CEP112: variants seen among roughly 807,000 people sequenced by gnomAD.
CEP112 encodes centrosomal protein of 112 kDa.
CEP112 carries 127 observed loss-of-function variants against 153.0 expected under a neutral mutation model. The ratio of observed to expected loss-of-function variants is 0.83; its 90% confidence interval spans 0.72 to 0.96. The LOEUF (loss-of-function observed/expected upper bound fraction) is 0.96. Ranked by LOEUF, CEP112 falls within the 40% of genes least tolerant of loss-of-function variation. The pLI is 0.00. For missense variants in CEP112, 1,089 were observed against 1,101.2 expected, an observed-to-expected ratio of 0.99 and a Z score of 0.16; for synonymous variants, 358 against 374.4, an observed-to-expected ratio of 0.96 and a Z score of 0.51.
intron 4 of CEP112, among the ~76,000 whole-genome samples, chr17:66,170,890 C>T (rs2072216097): frequency 1.3e-5 from 2 of 152,040 alleles, no homozygotes; most frequent in African/African-American, 4.8e-5. Context: ...ATAAGATTAT[C>T]TTAAACCAAG....
chr17:66,085,958 C>T (rs550997467), intron 8 of CEP112, among the ~76,000 whole-genome samples: 37 of 122,464 alleles, frequency 3.0e-4, no homozygotes, highest in East Asian at 4.8e-4. Context: ...GCCTGGGTGA[C>T]GACAGAGCGA....
chr17:66,103,523 A>G (rs1008458219), intron 6 of CEP112, among the ~76,000 whole-genome samples: 1 of 152,262 alleles, frequency 6.6e-6, no homozygotes, highest in Non-Finnish European at 1.5e-5. Flanking sequence ...CAAAGTTGCC[A>G]GATGCCAAAC....
intron 21 of CEP112, among the ~76,000 whole-genome samples, chr17:65,752,147 C>T (rs1277757303): frequency 6.6e-6 from 1 of 151,924 alleles, no homozygotes; most frequent in East Asian, 1.9e-4. Context: ...GTGTGTGTTT[C>T]TGAGTTCCCT....
intron 24 of CEP112, among the ~76,000 whole-genome samples, chr17:65,652,517 T>TTA (rs1435492177): frequency 2.6e-5 from 4 of 151,938 alleles, no homozygotes; most frequent in Admixed American, 6.6e-5. Flanking sequence ...TGAATTACAT[T>TTA]TATATATATA....
chr17:65,686,215 G>C (rs2144325384), intron 24 of CEP112, among the ~76,000 whole-genome samples: 1 of 149,348 alleles, frequency 6.7e-6, no homozygotes, highest in South Asian at 2.1e-4. Flanking sequence ...TTTACCCATG[G>C]GTATTTCCTG....
intron 18 of CEP112, among the ~76,000 whole-genome samples, chr17:65,937,543 AGCCGCCCCGTCCGG>A (rs2061365528): frequency 8.5e-6 from 1 of 117,990 alleles, no homozygotes; most frequent in Non-Finnish European, 1.8e-5. Context: ...CTGCCCGGCC[AGCCGCCCCGTCCGG>A]GAGGGAGGTG....
chr17:65,681,539 G>C (rs968915634), intron 24 of CEP112, among the ~76,000 whole-genome samples: 1 of 148,994 alleles, frequency 6.7e-6, no homozygotes, highest in Non-Finnish European at 1.5e-5. Context: ...TAGCATCTAG[G>C]ATGCAACATC....
chr17:66,043,004 C>G (rs1176593227), intron 12 of CEP112: 4 of 682,790 alleles, frequency 5.9e-6, no homozygotes, highest in Non-Finnish European at 5.4e-6. Context: ...ATGAGTAGTT[C>G]TATGAATTAT....
intron 19 of CEP112, among the ~76,000 whole-genome samples, chr17:65,912,464 C>A (rs776304060): frequency 6.6e-5 from 10 of 152,148 alleles, no homozygotes; most frequent in Non-Finnish European, 1.2e-4. Flanking sequence ...CCCACCAGTG[C>A]ACCTTAGCAC....
rs747455301 is a variant in CEP112, at chr17:66,053,785, A to G, written c.1169T>C (p.Val390Ala). 1.2e-6 allele frequency: 2 copies of G among 1,613,788 alleles called. No individual in the cohort carries two copies. The highest frequency in any genetic ancestry group is 1.1e-5 in the South Asian group (1 of 90,994). ...NIQELLEDTNVRLNKMESEYM... is the reference protein window; with the variant it reads ...NIQELLEDTNARLNKMESEYM... The stretch of plus-strand genomic sequence containing the variant: ...TTCACTCTCCATTTTATTCAGACGC[A>G]CATTTGTATCCTCAAGCAATTCTTG... Residue 390 changes from valine (V) to alanine (A), a missense_variant, in exon 12 of 27, where the codon GTG (valine) becomes GCG (alanine). Physicochemically the swap from Val to Ala is moderately conservative, Grantham distance 64. Coordinates refer to ENST00000535342, the MANE Select transcript of CEP112 (RefSeq NM_001199165.4).
At chr17:65,949,024 T>A (rs1041502734) in intron 18 of CEP112, among the ~76,000 whole-genome samples, 3 of 150,844 alleles carry the variant, frequency 2.0e-5, no homozygotes, top group Non-Finnish European at 4.4e-5. Context: ...ATATAGACTA[T>A]GGAAAAATCT....
Position 65,877,473 on chromosome 17 carries a change from G to A in CEP112, c.2163+24679C>T, listed in dbSNP as rs137991922. On this transcript the variant is annotated intron_variant, in intron 20 of 26. Coordinates refer to ENST00000535342, the MANE Select transcript of CEP112 (RefSeq NM_001199165.4). ...TCCCTTACTCTTAAAGTAGTAGCTT[G>A]CTCAAGGAGGCACCCTTTATTTGTT... 2.9e-3 allele frequency among the ~76,000 whole-genome samples: 440 copies of A among 152,284 alleles called. 2 individuals are homozygous for A. The highest frequency in any genetic ancestry group is 1.0e-2 in the African/African-American group (414 of 41,558).
In CEP112 at chr17:66,069,979, A is replaced by G. The variant is rs1431237079; in HGVS notation, c.791T>C (p.Met264Thr). Residue 264 changes from methionine (M) to threonine (T), a missense_variant, in exon 9 of 27, where the codon ATG (methionine) becomes ACG (threonine). Physicochemically the swap from Met to Thr is moderately conservative, Grantham distance 81. Coordinates refer to ENST00000535342, the MANE Select transcript of CEP112 (RefSeq NM_001199165.4). ...EKELDMKTKMMEAKFHEEKLK... is the reference protein window; with the variant it reads ...EKELDMKTKMTEAKFHEEKLK... ...CTTTTCTTCATGAAATTTAGCTTCC[A>G]TCATTTTTGTTTTCATGTCCAGCTT... 1.2e-6 allele frequency: 2 copies of G among 1,606,724 alleles called. No individual in the cohort carries two copies. The highest frequency in any genetic ancestry group is 2.2e-5 in the East Asian group (1 of 44,560).
rs57598697 is a variant in CEP112, at chr17:65,950,699, C to CTATTATTATTAGTAGTAGTAGTAGTAG, written c.1872+10763_1872+10764insCTACTACTACTACTACTAATAATAATA. ...CTTTCTTTCCATTCTGGATACATTA[C>CTATTATTATTAGTAGTAGTAGTAGTAG]TAGTAGTAGTAGTAGTAGTAGTAGT... On this transcript the variant is annotated intron_variant, in intron 18 of 26. Transcript: ENST00000535342. 1.2e-4 allele frequency among the ~76,000 whole-genome samples: 17 copies of CTATTATTATTAGTAGTAGTAGTAGTAG among 147,184 alleles called. No homozygotes were observed. In the East Asian group the frequency reaches 1.8e-3, roughly 16 times the overall value.
intron 11 of CEP112, among the ~76,000 whole-genome samples, chr17:66,056,535 C>T (rs192373602): frequency 4.6e-4 from 70 of 152,276 alleles, no homozygotes; most frequent in Admixed American, 3.5e-3. Flanking sequence ...ATCCATACAA[C>T]GCAATATTAT....
intron 2 of CEP112, among the ~76,000 whole-genome samples, chr17:66,181,779 G>A (rs1799694860): frequency 6.6e-6 from 1 of 152,062 alleles, no homozygotes; most frequent in Non-Finnish European, 1.5e-5. Flanking sequence ...AAAAAATGTA[G>A]TGAATATCAG....
At chr17:66,050,903 T>TA (rs779189449) in intron 12 of CEP112, among the ~76,000 whole-genome samples, 3 of 152,222 alleles carry the variant, frequency 2.0e-5, no homozygotes, top group African/African-American at 4.8e-5. Flanking sequence ...CATCAGGGCT[T>TA]ACACCTTTTT....
At chr17:66,115,024 G>A (rs229863) in intron 6 of CEP112, among the ~76,000 whole-genome samples, 55,804 of 151,838 alleles carry the variant, frequency 0.37, 11,369 homozygotes, top group Non-Finnish European at 0.46. Flanking sequence ...GGCCAACATG[G>A]TGAAACCCTG....
intron 21 of CEP112, among the ~76,000 whole-genome samples, chr17:65,787,965 G>A (rs1303890859): frequency 6.6e-6 from 1 of 152,206 alleles, no homozygotes; most frequent in Non-Finnish European, 1.5e-5. Flanking sequence ...AACAGCAGCA[G>A]TGATTAACGG....
Sources: gnomAD v4.1 joint callset for allele counts (sites outside exome capture counted in the v4.1 genomes callset) on GRCh38, gnomAD v4.1.1 for gene constraint, MANE v1.5 for transcripts, NCBI Gene and HGNC (gene_info 2026-07-23, HGNC 2026-07-21) for gene names.